The following PLXNA4 variants were observed in gnomAD, a reference collection of about 807,000 sequenced individuals.
PLXNA4 encodes plexin-A4.
A neutral mutation model predicts 191.8 loss-of-function variants in PLXNA4; 44 were observed. The ratio of observed to expected loss-of-function variants is 0.23; its 90% CI spans 0.18 to 0.29. The LOEUF (loss-of-function observed/expected upper bound fraction) is 0.29. Ranked by LOEUF, PLXNA4 falls within the 10% of genes least tolerant of loss-of-function variation. The pLI, the probability that PLXNA4 is intolerant of heterozygous loss-of-function variation, is 1.00. For missense variants in PLXNA4, 1,800 were observed against 2,488.8 expected, an observed-to-expected ratio of 0.72 and a Z score of 5.89; for synonymous variants, 1,082 against 1,009.5, an observed-to-expected ratio of 1.07 and a Z score of -1.36.
intron 20 of PLXNA4, among the ~76,000 whole-genome samples, chr7:132,177,878 T>C (rs143603155): frequency 2.7e-3 from 410 of 152,264 alleles, no homozygotes; most frequent in African/African-American, 9.6e-3. Flanking sequence ...ATGGAATGGA[T>C]CCACTTCCCC....
intron 2 of PLXNA4, among the ~76,000 whole-genome samples, chr7:132,606,678 C>T (rs1467442910): frequency 6.6e-6 from 1 of 152,350 alleles, no homozygotes. Context: ...ACCAAACTCA[C>T]ACAGAGAGTT....
rs118015241 is a variant in PLXNA4 at position 132,440,693 on chromosome 7, C to T, written c.1371+48599G>A. Among the ~76,000 whole-genome samples the T allele has an allele frequency of 5.9e-3, 893 of 152,208 alleles. 4 individuals carry two copies. Among genetic ancestry groups the T allele is most frequent in the Middle Eastern group, 0.024 (7 of 294 alleles). ...ATAAAATAAATCAAATATTTTACCA[C>T]GAAAGGTGATTATCAAACACTTATT... On this transcript the variant is annotated intron_variant, in intron 3 of 31. Transcript: ENST00000321063.
At chr7:132,598,938 C>G (rs1292309804) in intron 2 of PLXNA4, among the ~76,000 whole-genome samples, 1 of 152,164 alleles carries the variant, frequency 6.6e-6, no homozygotes, top group Non-Finnish European at 1.5e-5. Flanking sequence ...GTCTCTAGGT[C>G]ACCTTTATAT....
intron 2 of PLXNA4, among the ~76,000 whole-genome samples, chr7:132,497,659 C>T (rs1181373774): frequency 1.3e-5 from 2 of 152,178 alleles, no homozygotes; most frequent in African/African-American, 4.8e-5. Flanking sequence ...CCTAGCCCTC[C>T]CCAGAAGGTC....
chr7:132,296,716 G>A (rs571792359), intron 4 of PLXNA4, among the ~76,000 whole-genome samples: 2 of 152,264 alleles, frequency 1.3e-5, no homozygotes, highest in South Asian at 2.1e-4. Context: ...ACCAAGGAAA[G>A]CTGCTTCCCC....
chr7:132,476,763 G>T (rs1033039332), intron 3 of PLXNA4, among the ~76,000 whole-genome samples: 3 of 152,188 alleles, frequency 2.0e-5, no homozygotes, highest in South Asian at 2.1e-4. Flanking sequence ...ATAGGTAAAA[G>T]AAATGCTTCC....
chr7:132,602,662 C>T (rs1328974715), intron 2 of PLXNA4, among the ~76,000 whole-genome samples: 1 of 152,272 alleles, frequency 6.6e-6, no homozygotes, highest in East Asian at 1.9e-4. Flanking sequence ...ATTTACCCAG[C>T]CACCAAAATA....
chr7:132,226,042 A>G (rs758138533), intron 8 of PLXNA4, 119 bp downstream of exon 8: 14 of 869,690 alleles, frequency 1.6e-5, no homozygotes, highest in South Asian at 3.1e-5. Flanking sequence ...GAGGGAGTGA[A>G]GGAGGCCTCC....
At chr7:132,558,962 C>T (rs551921648) in intron 1 of PLXNA4, among the ~76,000 whole-genome samples, 2 of 152,124 alleles carry the variant, frequency 1.3e-5, no homozygotes, top group Non-Finnish European at 2.9e-5. Flanking sequence ...AGGCCTTACC[C>T]GCAGTGGACA....
At chr7:132,380,742 C>T (rs907311294) in intron 3 of PLXNA4, among the ~76,000 whole-genome samples, 5 of 152,164 alleles carry the variant, frequency 3.3e-5, no homozygotes, top group African/African-American at 9.7e-5. Context: ...GTTTCCAAAC[C>T]CTATCACCCA....
intron 2 of PLXNA4, among the ~76,000 whole-genome samples, chr7:132,615,926 G>GCTCTCTCTCTCTCTCT (rs1349796690): frequency 3.6e-5 from 1 of 27,782 alleles, no homozygotes; most frequent in Non-Finnish European, 1.1e-4. Flanking sequence ...ACAGATAAAG[G>GCTCTCTCTCTCTCTCT]ATCTCTCTCT....
chr7:132,342,311 G>A (rs1803061068), intron 3 of PLXNA4, among the ~76,000 whole-genome samples: 1 of 150,640 alleles, frequency 6.6e-6, no homozygotes, highest in African/African-American at 2.5e-5. Flanking sequence ...AATAACAAGA[G>A]AATTCACTAA....
intron 3 of PLXNA4, among the ~76,000 whole-genome samples, chr7:132,488,751 T>A (rs920647469): frequency 3.3e-5 from 5 of 152,202 alleles, no homozygotes; most frequent in Non-Finnish European, 5.9e-5. Flanking sequence ...TCATACCATC[T>A]GACCTCACCA....
chr7:132,562,134 T>G (rs1340477448), intron 1 of PLXNA4, among the ~76,000 whole-genome samples: 1 of 80,722 alleles, frequency 1.2e-5, no homozygotes, highest in Non-Finnish European at 2.3e-5. Context: ...CTCCTCCTTC[T>G]CTCCTTCTCC....
chr7:132,185,327 G>A lies in PLXNA4; in HGVS notation c.3130C>T (p.Arg1044Trp), dbSNP rs773666064. The change falls in exon 16 of 32, where the codon CGG (arginine) becomes TGG (tryptophan). Residue 1044 changes from arginine to tryptophan, a missense_variant. This residue lies in a region of PLXNA4 where 1,397 missense variants were observed against 1,880.4 expected (regional missense o/e 0.74). Coordinates refer to ENST00000321063, the MANE Select transcript of PLXNA4 (RefSeq NM_020911.2). ...FQYVEDPTIVRIEPEWSIVSG... is the reference protein window; with the variant it reads ...FQYVEDPTIVWIEPEWSIVSG... ...ACAATGCTCCATTCTGGCTCAATCC[G>A]CACGATGGTGGGGTCTTCCACATAC... The A allele has an allele frequency of 8.1e-6, 13 of 1,613,502 alleles. No homozygotes were observed. The highest frequency in any genetic ancestry group is 5.0e-5 in the Admixed American group (3 of 59,958).
chr7:132,633,165 T>A (rs1444897069), intron 2 of PLXNA4, among the ~76,000 whole-genome samples: 1 of 152,010 alleles, frequency 6.6e-6, no homozygotes, highest in East Asian at 1.9e-4. Context: ...ATTAAATCAA[T>A]GAAGCCAGTG....
intron 21 of PLXNA4, among the ~76,000 whole-genome samples, chr7:132,174,409 C>G (rs540501961): frequency 6.6e-6 from 1 of 152,338 alleles, no homozygotes; most frequent in South Asian, 2.1e-4. Context: ...CTACGTGAGT[C>G]AAATCCCCTA....
intron 4 of PLXNA4, among the ~76,000 whole-genome samples, chr7:132,280,559 C>T (rs1470268904): frequency 1.3e-5 from 2 of 152,170 alleles, no homozygotes; most frequent in Non-Finnish European, 2.9e-5. Context: ...CTGTCAGCAC[C>T]ATCTCAAATT....
At chr7:132,289,072 G>C (rs1341931558) in intron 4 of PLXNA4, among the ~76,000 whole-genome samples, 1 of 152,184 alleles carries the variant, frequency 6.6e-6, no homozygotes, top group Non-Finnish European at 1.5e-5. Flanking sequence ...TTGAACTATA[G>C]CTCCTTCTGA....
Sources: allele counts gnomAD v4.1 joint callset (sites outside exome capture counted in the v4.1 genomes callset), GRCh38; gene constraint gnomAD v4.1.1; regional missense constraint gnomAD v4.1.1; transcripts MANE v1.5; gene names NCBI Gene and HGNC (gene_info 2026-07-23, HGNC 2026-07-21).